Variants in HS2ST1 observed in about 807,000 individuals in gnomAD.
HS2ST1 encodes heparan sulfate 2-O-sulfotransferase 1.
A neutral mutation model predicts 42.9 loss-of-function variants in HS2ST1; 18 were observed. The ratio of observed to expected loss-of-function variants is 0.42; its 90% CI spans 0.29 to 0.62. The LOEUF (loss-of-function observed/expected upper bound fraction) is 0.62, where lower values mean the gene tolerates loss of function less well. Ranked by LOEUF, HS2ST1 falls within the 20% of genes least tolerant of loss-of-function variation. The pLI, the probability that HS2ST1 is intolerant of heterozygous loss-of-function variation, is 0.21. For synonymous variants in HS2ST1, 146 were observed against 152.9 expected (o/e 0.95, Z 0.33); for missense variants, 334 against 433.8 (o/e 0.77, Z 2.04).
At chr1:86,941,793 A>T (rs1426152196) in intron 1 of HS2ST1, among the ~76,000 whole-genome samples, 1 of 152,014 alleles carries the variant, frequency 6.6e-6, no homozygotes, top group East Asian at 1.9e-4. Context: ...AAAACAAAAA[A>T]ACTACAGCTA....
intron 1 of HS2ST1, among the ~76,000 whole-genome samples, chr1:87,000,512 A>G (rs1649251666): frequency 6.6e-6 from 1 of 152,192 alleles, no homozygotes; most frequent in Non-Finnish European, 1.5e-5. Context: ...AGGGAATAAA[A>G]CTTGGACTAA....
At chr1:87,083,535 G>C (rs1237970499) in intron 2 of HS2ST1, among the ~76,000 whole-genome samples, 1 of 152,008 alleles carries the variant, frequency 6.6e-6, no homozygotes, top group East Asian at 1.9e-4. Flanking sequence ...ACCAGTTTTA[G>C]ACATATTAAA....
At chr1:87,038,022 A>G (rs757830194) in intron 1 of HS2ST1, among the ~76,000 whole-genome samples, 7 of 152,032 alleles carry the variant, frequency 4.6e-5, no homozygotes, top group Non-Finnish European at 1.0e-4. Flanking sequence ...GAAAATCTTT[A>G]TATTGTTAAT....
At chr1:87,046,244 G>A (rs1338549059) in intron 1 of HS2ST1, 2 of 811,912 alleles carry the variant, frequency 2.5e-6, no homozygotes, top group African/African-American at 3.4e-5. Flanking sequence ...CTATCAAAGA[G>A]GGTGTGACCA....
At chr1:87,098,746 T>A (rs1047961514) in intron 5 of HS2ST1, among the ~76,000 whole-genome samples, 3 of 152,200 alleles carry the variant, frequency 2.0e-5, no homozygotes, top group African/African-American at 7.2e-5. Context: ...AAACTACAGG[T>A]TGTATCCTGC....
intron 1 of HS2ST1, among the ~76,000 whole-genome samples, chr1:87,052,747 G>C (rs555486352): frequency 2.6e-5 from 4 of 152,146 alleles, no homozygotes; most frequent in Admixed American, 1.3e-4. Context: ...ATACCATTAC[G>C]TTGTTTTTCA....
intron 1 of HS2ST1, among the ~76,000 whole-genome samples, chr1:87,057,305 G>T (rs952903981): frequency 1.3e-5 from 2 of 152,092 alleles, no homozygotes; most frequent in Non-Finnish European, 2.9e-5. Context: ...TGTATAAAAG[G>T]TTCTGAGACC....
intron 1 of HS2ST1, among the ~76,000 whole-genome samples, chr1:87,031,185 C>T (rs2100595877): frequency 6.6e-6 from 1 of 152,224 alleles, no homozygotes; most frequent in African/African-American, 2.4e-5. Flanking sequence ...AAGCAATCTG[C>T]CCGCCTCAGC....
In HS2ST1 at chr1:86,914,963, C is replaced by A; in HGVS notation, c.-74C>A. 1 of 1,585,670 alleles carries A rather than the reference C, an allele frequency of 6.3e-7. No individual in the cohort carries two copies. Among genetic ancestry groups the A allele is most frequent in the South Asian group, 1.1e-5 (1 of 89,656 alleles). On this transcript the variant is annotated 5_prime_UTR_variant, in exon 1 of 7. Coordinates refer to ENST00000370550, the MANE Select transcript of HS2ST1 (RefSeq NM_012262.4). Reference sequence around the variant, plus strand: ...TCGCTCCCGGCTCGGCGGGCTCCTCCCGGCGTCTCTCTCGCCTCCGGGGTC... The same window carrying A: ...TCGCTCCCGGCTCGGCGGGCTCCTCACGGCGTCTCTCTCGCCTCCGGGGTC...
chr1:86,942,194 C>T lies in HS2ST1; in HGVS notation c.124+27034C>T, dbSNP rs114193105. Among the ~76,000 whole-genome samples, 1,355 of 152,244 alleles carry T rather than the reference C, an allele frequency of 8.9e-3. 27 individuals are homozygous for T. Among genetic ancestry groups the T allele is most frequent in the African/African-American group, 0.031 (1,297 of 41,532 alleles). ...GTGTTGAAATGTGATTATGGCTTGT[C>T]GACAAGGAACCATTGGATGAACAGA... is the stretch of plus-strand genomic sequence containing the variant. On this transcript the variant is annotated intron_variant, in intron 1 of 6. Transcript: ENST00000370550.
rs372298246 is a variant in HS2ST1 at position 86,914,998 on chromosome 1, G to C, written c.-39G>C. The C allele has an allele frequency of 1.2e-6, 2 of 1,611,350 alleles. No individual in the cohort carries two copies. Among genetic ancestry groups the C allele is most frequent in the Non-Finnish European group, 1.7e-6 (2 of 1,179,334 alleles). On this transcript the variant is annotated 5_prime_UTR_variant, in exon 1 of 7. Coordinates refer to ENST00000370550, the MANE Select transcript of HS2ST1 (RefSeq NM_012262.4). ...TCTCGCCTCCGGGGTCCCGCTCCCC[G>C]CCCCCCGCGGTATGTCTTGATCCCG... is the stretch of plus-strand genomic sequence containing the variant.
chr1:87,047,326 G>A (rs1041692529), intron 1 of HS2ST1, among the ~76,000 whole-genome samples: 8 of 151,936 alleles, frequency 5.3e-5, no homozygotes, highest in African/African-American at 1.7e-4. Context: ...CACATTTTTT[G>A]TTGATATGAT....
At chr1:86,921,580 G>C (rs1660300868) in intron 1 of HS2ST1, among the ~76,000 whole-genome samples, 1 of 152,014 alleles carries the variant, frequency 6.6e-6, no homozygotes, top group Non-Finnish European at 1.5e-5. Flanking sequence ...TGTTATAAAA[G>C]AGCTTGTGGC....
rs1156773637 is a variant in HS2ST1 at position 87,080,003 on chromosome 1, A to T, written c.364-4191A>T. Among the ~76,000 whole-genome samples, 3 of 152,130 alleles carry T rather than the reference A, an allele frequency of 2.0e-5. No individual in the cohort carries two copies. The South Asian group carries it at 6.2e-4, about 32-fold the overall frequency. On this transcript the variant is annotated intron_variant, in intron 2 of 6. Coordinates refer to ENST00000370550, the MANE Select transcript of HS2ST1 (RefSeq NM_012262.4). ...TTAGAGGTTACAGTGAGTTATGATCATGCCACTGTGCTGTCCGGCATGAGT... is the reference window on the plus strand; with the variant it reads ...TTAGAGGTTACAGTGAGTTATGATCTTGCCACTGTGCTGTCCGGCATGAGT...
At chr1:87,047,271 A>G (rs1481522322) in intron 1 of HS2ST1, among the ~76,000 whole-genome samples, 1 of 152,092 alleles carries the variant, frequency 6.6e-6, no homozygotes, top group Non-Finnish European at 1.5e-5. Flanking sequence ...TCCTTAGTTC[A>G]TTTAAAAAAA....
At chr1:87,011,378 G>T (rs1649594042) in intron 1 of HS2ST1, among the ~76,000 whole-genome samples, 1 of 151,948 alleles carries the variant, frequency 6.6e-6, no homozygotes, top group Non-Finnish European at 1.5e-5. Context: ...CAACAGCTGG[G>T]ACCACAGGTG....
chr1:87,102,540 T>C (rs144822448), intron 5 of HS2ST1, among the ~76,000 whole-genome samples: 13 of 152,150 alleles, frequency 8.5e-5, no homozygotes. Flanking sequence ...GGAACAAATA[T>C]CCAAACCATA....
intron 1 of HS2ST1, among the ~76,000 whole-genome samples, chr1:87,044,192 A>G (rs907519097): frequency 2.0e-5 from 3 of 152,174 alleles, no homozygotes; most frequent in East Asian, 1.9e-4. Context: ...AACAGTACCG[A>G]CATTTTTGGA....
chr1:86,976,126 A>G (rs536715898), intron 1 of HS2ST1, among the ~76,000 whole-genome samples: 6 of 152,216 alleles, frequency 3.9e-5, no homozygotes, highest in Non-Finnish European at 8.8e-5. Context: ...GGAATAATAG[A>G]TTTAAAGTTT....
Sources: allele counts gnomAD v4.1 joint callset (sites outside exome capture counted in the v4.1 genomes callset), GRCh38; gene constraint gnomAD v4.1.1; transcripts MANE v1.5; gene names NCBI Gene and HGNC (gene_info 2026-07-23, HGNC 2026-07-21).